Variants in GALNTL6 observed in about 807,000 individuals in gnomAD.
The protein encoded by GALNTL6 is polypeptide N-acetylgalactosaminyltransferase like 6.
Under a neutral mutation model 73.7 loss-of-function variants are expected in GALNTL6, and 46 were observed. The ratio of observed to expected loss-of-function variants is 0.62; its 90% CI spans 0.49 to 0.80. The LOEUF (loss-of-function observed/expected upper bound fraction) is 0.80, where lower values mean the gene tolerates loss of function less well. Among genes scored for constraint, GALNTL6 ranks in the 30% least tolerant of loss-of-function variants. The probability of loss-of-function intolerance (pLI) is 0.00; values close to 1 mark genes in which losing one functional copy is unlikely to be tolerated. For synonymous variants in GALNTL6, 259 were observed against 263.7 expected, an observed-to-expected ratio of 0.98 and a Z score of 0.17; for missense variants, 604 against 755.0, an observed-to-expected ratio of 0.80 and a Z score of 2.34.
At chr4:172,126,785 C>A (rs1422974277) in intron 2 of GALNTL6, among the ~76,000 whole-genome samples, 2 of 152,290 alleles carry the variant, frequency 1.3e-5, no homozygotes, top group African/African-American at 4.8e-5. Context: ...GCCCAGCCCC[C>A]ACCAGAAGGT....
rs1736989682 is a variant in GALNTL6 at position 172,229,777 on chromosome 4, G to T, written c.247+13G>T. 6.6e-7 allele frequency: 1 copy of T among 1,519,228 alleles called. No homozygotes were observed. Among genetic ancestry groups the T allele is most frequent in the African/African-American group, 1.4e-5 (1 of 73,020 alleles). 94.1% of individuals were successfully genotyped at this position (1,519,228 alleles called of 1,614,324 possible). A position where few individuals can be genotyped will look rare whatever the true frequency, so the allele number is the denominator to read the frequency against. ...GCTATGCGCTCAGGTATGAAGCTCA[G>T]TGTACGCCAAAGTGCTATTTCACTC... On this transcript the variant is annotated intron_variant, in intron 3 of 12. Transcript: ENST00000506823.
intron 2 of GALNTL6, among the ~76,000 whole-genome samples, chr4:172,021,787 T>C (rs971644512): frequency 6.6e-6 from 1 of 151,942 alleles, no homozygotes; most frequent in African/African-American, 2.4e-5. Context: ...AACAAATCCA[T>C]ATATCTACAG....
At chr4:172,592,670 G>GTCTGTCTATCTATCTATCTA (rs71592086) in intron 5 of GALNTL6, among the ~76,000 whole-genome samples, 2 of 141,976 alleles carry the variant, frequency 1.4e-5, no homozygotes, top group Non-Finnish European at 3.0e-5. Context: ...CTGTCTGTCT[G>GTCTGTCTATCTATCTATCTA]TCTATCTATC....
At chr4:172,309,307 AC>A (rs1396788519) in intron 3 of GALNTL6, among the ~76,000 whole-genome samples, 2 of 152,094 alleles carry the variant, frequency 1.3e-5, no homozygotes, top group Non-Finnish European at 2.9e-5. Context: ...TGATATGGAA[AC>A]CAAATTTTCT....
At chr4:172,841,582 C>T (rs1054297654) in intron 7 of GALNTL6, among the ~76,000 whole-genome samples, 12 of 152,092 alleles carry the variant, frequency 7.9e-5, no homozygotes, top group African/African-American at 2.9e-4. Context: ...CCTCAGAAAA[C>T]TTACAATCAT....
At chr4:171,987,128 G>GT (rs1740121260) in intron 2 of GALNTL6, among the ~76,000 whole-genome samples, 1 of 152,222 alleles carries the variant, frequency 6.6e-6, no homozygotes, top group Non-Finnish European at 1.5e-5. Flanking sequence ...CAAATGGGCT[G>GT]TACCCTGTAG....
chr4:172,512,678 C>G (rs1426682193), intron 5 of GALNTL6, among the ~76,000 whole-genome samples: 1 of 152,056 alleles, frequency 6.6e-6, no homozygotes, highest in African/African-American at 2.4e-5. Context: ...CTGAAAAAGA[C>G]TGTATCTTTC....
chr4:172,682,527 T>C (rs1336248104), intron 5 of GALNTL6, among the ~76,000 whole-genome samples: 1 of 152,210 alleles, frequency 6.6e-6, no homozygotes, highest in Non-Finnish European at 1.5e-5. Context: ...AATGACAGGA[T>C]ACCCACTAGT....
chr4:172,494,976 A>G (rs1734021469), intron 5 of GALNTL6, among the ~76,000 whole-genome samples: 2 of 152,310 alleles, frequency 1.3e-5, no homozygotes, highest in East Asian at 1.9e-4. Flanking sequence ...TTGACACTCA[A>G]TGTTAACCAT....
chr4:171,992,698 A>G (rs1579041387), intron 2 of GALNTL6, among the ~76,000 whole-genome samples: 1 of 152,102 alleles, frequency 6.6e-6, no homozygotes, highest in South Asian at 2.1e-4. Flanking sequence ...CTAAGAGAGT[A>G]TATCTCTTAT....
At chr4:172,267,537 T>A (rs1188366631) in intron 3 of GALNTL6, among the ~76,000 whole-genome samples, 1 of 152,148 alleles carries the variant, frequency 6.6e-6, no homozygotes, top group Non-Finnish European at 1.5e-5. Flanking sequence ...GAAGCGTCTA[T>A]TGATGTAATT....
chr4:172,406,352 A>T (rs952108052), intron 5 of GALNTL6, among the ~76,000 whole-genome samples: 2 of 152,034 alleles, frequency 1.3e-5, no homozygotes, highest in Non-Finnish European at 2.9e-5. Context: ...ATTAAAAATT[A>T]AGTCAGAAAT....
chr4:172,801,339 A>G (rs954351313), intron 5 of GALNTL6, among the ~76,000 whole-genome samples: 26 of 152,224 alleles, frequency 1.7e-4, no homozygotes, highest in Non-Finnish European at 7.3e-5. Context: ...TTCTAAGAGT[A>G]GATGCTCTAT....
chr4:172,837,448 G>T (rs926128140), intron 7 of GALNTL6, among the ~76,000 whole-genome samples: 2 of 151,388 alleles, frequency 1.3e-5, no homozygotes, highest in Non-Finnish European at 2.9e-5. Context: ...TATGAAAGAA[G>T]GTAAAAAACA....
chr4:172,162,153 T>C (rs1260547406), intron 2 of GALNTL6, among the ~76,000 whole-genome samples: 1 of 151,826 alleles, frequency 6.6e-6, no homozygotes, highest in Non-Finnish European at 1.5e-5. Flanking sequence ...TATTATACTA[T>C]GATCAGAGAG....
chr4:172,991,709 A>C (rs1303133785), intron 10 of GALNTL6, among the ~76,000 whole-genome samples: 1 of 152,188 alleles, frequency 6.6e-6, no homozygotes, highest in Non-Finnish European at 1.5e-5. Flanking sequence ...CTCCCAGCCT[A>C]AACCCAATTT....
At chr4:172,610,168 G>A (rs1451061097) in intron 5 of GALNTL6, among the ~76,000 whole-genome samples, 1 of 151,596 alleles carries the variant, frequency 6.6e-6, no homozygotes, top group African/African-American at 2.4e-5. Context: ...TTTTTTGTGT[G>A]GTTTTTCATG....
chr4:172,946,455 T>C (rs553213870), intron 9 of GALNTL6, among the ~76,000 whole-genome samples: 251 of 152,258 alleles, frequency 1.6e-3, no homozygotes, highest in South Asian at 2.3e-3. Context: ...GCAGGAAAAA[T>C]TGAACTATCT....
At chr4:172,215,205 A>T (rs553395984) in intron 2 of GALNTL6, among the ~76,000 whole-genome samples, 1 of 152,262 alleles carries the variant, frequency 6.6e-6, no homozygotes, top group African/African-American at 2.4e-5. Context: ...AATGTTTTTG[A>T]AAAGAATGTA....
Sources: allele counts gnomAD v4.1 joint callset (sites outside exome capture counted in the v4.1 genomes callset), GRCh38; gene constraint gnomAD v4.1.1; transcripts MANE v1.5; gene names NCBI Gene and HGNC (gene_info 2026-07-23, HGNC 2026-07-21).